The following PEAK1 variants were observed in gnomAD, a reference collection of about 807,000 sequenced individuals.
PEAK1 encodes the protein inactive tyrosine-protein kinase PEAK1.
PEAK1 carries 54 observed loss-of-function variants against 124.7 expected under a neutral mutation model. That is an observed-to-expected ratio of 0.43 (90% confidence interval 0.35 to 0.54). The LOEUF (loss-of-function observed/expected upper bound fraction) is 0.54, where lower values mean the gene tolerates loss of function less well. Among genes scored for constraint, PEAK1 ranks in the 20% least tolerant of loss-of-function variants. The pLI, the probability that PEAK1 is intolerant of heterozygous loss-of-function variation, is 0.01. For missense variants in PEAK1, 2,046 were observed against 2,134.5 expected (o/e 0.96, Z 0.82); for synonymous variants, 719 against 760.0 (o/e 0.95, Z 0.89).
intron 3 of PEAK1, among the ~76,000 whole-genome samples, chr15:77,285,497 A>C (rs2062877489): frequency 1.3e-5 from 2 of 152,214 alleles, no homozygotes; most frequent in Non-Finnish European, 2.9e-5. Flanking sequence ...AACCTAAATA[A>C]AATAGGGAAC....
chr15:77,254,773 G>A (rs2061048778), intron 5 of PEAK1, among the ~76,000 whole-genome samples: 2 of 152,096 alleles, frequency 1.3e-5, no homozygotes, highest in African/African-American at 4.8e-5. Context: ...AACCACATAT[G>A]AATTATATAC....
At chr15:77,195,294 C>T (rs571941389) in intron 6 of PEAK1, among the ~76,000 whole-genome samples, 1 of 152,036 alleles carries the variant, frequency 6.6e-6, no homozygotes, top group Admixed American at 6.6e-5. Context: ...ACATAGAGAA[C>T]TAAAATTTTA....
At chr15:77,152,901 T>C (rs576824254) in intron 8 of PEAK1, among the ~76,000 whole-genome samples, 11 of 152,302 alleles carry the variant, frequency 7.2e-5, no homozygotes, top group Non-Finnish European at 1.2e-4. Flanking sequence ...CAGTATTTTA[T>C]TGAGGATTTT....
chr15:77,348,626 G>A, intron 2 of PEAK1: 1 of 983,800 alleles, frequency 1.0e-6, no homozygotes, highest in Non-Finnish European at 1.2e-6. Flanking sequence ...ATTCCTAAAT[G>A]TGGTATACAT....
intron 2 of PEAK1, chr15:77,333,812 A>T: frequency 1.3e-6 from 1 of 784,564 alleles, no homozygotes; most frequent in Non-Finnish European, 1.5e-6. Flanking sequence ...CAGATTTATA[A>T]AAATCTTCTA....
intron 7 of PEAK1, among the ~76,000 whole-genome samples, chr15:77,164,866 G>A (rs1300556643): frequency 6.6e-6 from 1 of 152,092 alleles, no homozygotes; most frequent in Non-Finnish European, 1.5e-5. Context: ...CCTTCTCCAA[G>A]GGGACTAACC....
intron 1 of PEAK1, chr15:77,417,438 G>C: frequency 1.0e-6 from 1 of 961,354 alleles, no homozygotes; most frequent in Non-Finnish European, 1.2e-6. Context: ...AGGAAGGAGA[G>C]TGGGGTGGGG....
chr15:77,205,658 C>CT (rs1219425337), intron 6 of PEAK1, among the ~76,000 whole-genome samples: 1 of 151,998 alleles, frequency 6.6e-6, no homozygotes, highest in Non-Finnish European at 1.5e-5. Context: ...AAGATGAAAA[C>CT]TTTGAGTATA....
At chr15:77,327,582 C>T (rs1473619376) in intron 2 of PEAK1, among the ~76,000 whole-genome samples, 2 of 151,840 alleles carry the variant, frequency 1.3e-5, no homozygotes, top group Non-Finnish European at 2.9e-5. Context: ...AACATTATAT[C>T]AACAATAATA....
intron 1 of PEAK1, among the ~76,000 whole-genome samples, chr15:77,385,729 T>C (rs2069871889): frequency 6.6e-6 from 1 of 152,192 alleles, no homozygotes. Context: ...GAAAGGCACA[T>C]TTCTAAAGAA....
At chr15:77,246,114 TTATCC>T (rs1285113302) in intron 6 of PEAK1, among the ~76,000 whole-genome samples, 1 of 145,806 alleles carries the variant, frequency 6.9e-6, no homozygotes, top group Non-Finnish European at 1.6e-5. Context: ...GTTCAAGCAA[TTATCC>T]TGCCTCAGCC....
At chr15:77,361,564 G>A (rs1258409859) in intron 2 of PEAK1, among the ~76,000 whole-genome samples, 1 of 152,108 alleles carries the variant, frequency 6.6e-6, no homozygotes, top group Admixed American at 6.6e-5. Context: ...GTTATCAAAA[G>A]ACAAAAAATA....
chr15:77,155,051 T>G (rs1385729897), intron 8 of PEAK1: 1 of 152,274 alleles, frequency 6.6e-6, no homozygotes, highest in East Asian at 1.9e-4. Context: ...ATTGGGGAAC[T>G]TCTCCTGGAT....
chr15:77,106,217 T>C (rs2050749178), downstream of PEAK1: 1 of 151,370 alleles, frequency 6.6e-6, no homozygotes, highest in Non-Finnish European at 1.5e-5. Flanking sequence ...GAGAAGGGAG[T>C]TTTTATTTCT....
At chr15:77,404,664 A>T in intron 1 of PEAK1, 1 of 954,682 alleles carries the variant, frequency 1.0e-6, no homozygotes. Context: ...ATTCTTCGAG[A>T]CTATAAAGAG....
At chr15:77,149,658 A>G (rs1281729477) in intron 8 of PEAK1, among the ~76,000 whole-genome samples, 1 of 152,230 alleles carries the variant, frequency 6.6e-6, no homozygotes, top group Non-Finnish European at 1.5e-5. Context: ...CTTTCCAAAG[A>G]AGCAACCTTG....
chr15:77,323,416 A>T (rs1233376042), intron 2 of PEAK1, among the ~76,000 whole-genome samples: 3 of 152,212 alleles, frequency 2.0e-5, no homozygotes, highest in Non-Finnish European at 4.4e-5. Context: ...CCTTAAGCTG[A>T]TAGGCAACTT....
chr15:77,158,290 T>C, intron 8 of PEAK1: 1 of 545,268 alleles, frequency 1.8e-6, no homozygotes, highest in East Asian at 3.0e-5. Context: ...TAATAACCCT[T>C]AGCACTTGGC....
rs1462211130 is a variant in PEAK1 at position 77,313,726 on chromosome 15, G to GTGTATATATATA, written c.-602-27223_-602-27222insTATATATATACA. On this transcript the variant is annotated intron_variant, in intron 2 of 9. Transcript: ENST00000682557. ...TATATGTATGTGTGTGTGTGTGTGT[G>GTGTATATATATA]TATATATATATATATTTATTTATTT... is the stretch of plus-strand genomic sequence containing the variant. Among the ~76,000 whole-genome samples, 84 of 108,584 alleles carry GTGTATATATATA rather than the reference G, an allele frequency of 7.7e-4. No individual in the cohort carries two copies. In the East Asian group the frequency reaches 0.015, roughly 19 times the overall value. 71.2% of individuals were successfully genotyped at this position (108,584 alleles called of 152,430 possible).
Sources: allele counts gnomAD v4.1 joint callset (sites outside exome capture counted in the v4.1 genomes callset), GRCh38; gene constraint gnomAD v4.1.1; transcripts MANE v1.5; gene names NCBI Gene and HGNC (gene_info 2026-07-23, HGNC 2026-07-21).